Variants in SRGAP1 observed in about 807,000 individuals in gnomAD.
SRGAP1 encodes SLIT-ROBO Rho GTPase activating protein 1.
In SRGAP1, 43 loss-of-function variants were observed where a neutral mutation model predicts 121.9. That is an observed-to-expected ratio of 0.35 (90% CI 0.28 to 0.46). The LOEUF (loss-of-function observed/expected upper bound fraction) is 0.46, where lower values mean the gene tolerates loss of function less well. Among genes scored for constraint, SRGAP1 ranks in the 20% least tolerant of loss-of-function variants. The pLI is 1.00. For synonymous variants in SRGAP1, 447 were observed against 485.4 expected (o/e 0.92, Z 1.04); for missense variants, 1,102 against 1,350.9 (o/e 0.82, Z 2.89).
intron 3 of SRGAP1, among the ~76,000 whole-genome samples, chr12:63,994,124 C>T (rs887600885): frequency 2.0e-5 from 3 of 152,212 alleles, no homozygotes; most frequent in East Asian, 3.9e-4. Flanking sequence ...TCCAGATAGT[C>T]GTTTAGAGGA....
At chr12:64,040,605 AT>A (rs2034996536) in intron 4 of SRGAP1, among the ~76,000 whole-genome samples, 1 of 152,232 alleles carries the variant, frequency 6.6e-6, no homozygotes, top group Non-Finnish European at 1.5e-5. Flanking sequence ...ATATGAAAGC[AT>A]ACTGAAATTA....
chr12:63,914,133 T>C (rs1430508258), intron 1 of SRGAP1, among the ~76,000 whole-genome samples: 2 of 152,232 alleles, frequency 1.3e-5, no homozygotes, highest in Non-Finnish European at 2.9e-5. Flanking sequence ...CACTTGTCCC[T>C]TTTTAAAGAC....
At chr12:64,124,638 C>T (rs76808735) in intron 18 of SRGAP1, among the ~76,000 whole-genome samples, 174 of 152,254 alleles carry the variant, frequency 1.1e-3, no homozygotes, top group African/African-American at 3.9e-3. Context: ...AATTGAGGAG[C>T]TTCTTGCAGT....
chr12:64,072,911 A>T (rs760945630), intron 8 of SRGAP1, among the ~76,000 whole-genome samples: 15 of 152,110 alleles, frequency 9.9e-5, no homozygotes, highest in Non-Finnish European at 1.9e-4. Flanking sequence ...ATTTGTTTTG[A>T]CCCACAGCTC....
At chr12:63,956,167 A>G (rs905694437) in intron 1 of SRGAP1, among the ~76,000 whole-genome samples, 4 of 152,112 alleles carry the variant, frequency 2.6e-5, no homozygotes, top group Admixed American at 1.3e-4. Context: ...TCCATGCCTG[A>G]CTAATTTTGT....
At chr12:64,061,841 C>T (rs886853840) in intron 6 of SRGAP1, among the ~76,000 whole-genome samples, 1 of 152,188 alleles carries the variant, frequency 6.6e-6, no homozygotes, top group Non-Finnish European at 1.5e-5. Flanking sequence ...TTCAAAGTTT[C>T]ATCCATGTTA....
chr12:63,862,448 C>T (rs2136268153), intron 1 of SRGAP1, among the ~76,000 whole-genome samples: 1 of 152,276 alleles, frequency 6.6e-6, no homozygotes, highest in Middle Eastern at 3.4e-3. Flanking sequence ...ACTCCCTTCT[C>T]AGTTGGTCTG....
intron 6 of SRGAP1, among the ~76,000 whole-genome samples, chr12:64,053,317 T>C (rs1462362278): frequency 6.6e-6 from 1 of 152,180 alleles, no homozygotes; most frequent in Admixed American, 6.6e-5. Context: ...ACGGGTGTGG[T>C]TGTATTGCAG....
At chr12:64,030,336 C>G (rs750322277) in intron 4 of SRGAP1, among the ~76,000 whole-genome samples, 10 of 152,076 alleles carry the variant, frequency 6.6e-5, no homozygotes, top group Non-Finnish European at 1.3e-4. Context: ...AACCAATAAC[C>G]CCACCTATGA....
At chr12:63,974,893 A>G (rs900018996) in intron 1 of SRGAP1, among the ~76,000 whole-genome samples, 2 of 152,096 alleles carry the variant, frequency 1.3e-5, no homozygotes, top group Non-Finnish European at 2.9e-5. Context: ...CATTCCCTAC[A>G]TTTATGCAGC....
In SRGAP1 at chr12:64,062,934, C is replaced by T. The variant is rs558573607; in HGVS notation, c.819C>T (p.Tyr273=). The T allele has an allele frequency of 5.6e-6, 9 of 1,611,156 alleles. No homozygotes were observed. In the East Asian group the frequency reaches 2.0e-4, roughly 36 times the overall value. Residue 273 remains tyrosine, a synonymous_variant, in exon 7 of 22, where the codon TAC becomes TAT. Coordinates refer to ENST00000355086, the MANE Select transcript of SRGAP1 (RefSeq NM_020762.4). ...TTTTTAAGTGCTGTGATCTTGGCTACCATGCAAGTCTGAACAGAGCCCTAA... is the reference window on the plus strand; with the variant it reads ...TTTTTAAGTGCTGTGATCTTGGCTATCATGCAAGTCTGAACAGAGCCCTAA... ...SDLIDCCDLG[Y]HASLNRALRT... is the part of the protein sequence containing the mutation.
Position 63,907,127 on chromosome 12 carries a change from A to T in SRGAP1, c.67+62244A>T, listed in dbSNP as rs7964885. Among the ~76,000 whole-genome samples the T allele has an allele frequency of 8.7e-3, 1,327 of 152,214 alleles. 24 individuals are homozygous for T. Among genetic ancestry groups the T allele is most frequent in the African/African-American group, 0.03 (1,234 of 41,532 alleles). The stretch of plus-strand genomic sequence containing the variant: ...CCTAGTGAATGTGATATGATATCTC[A>T]TTGTGGTTTTGATTTGCACTTCCCT... On this transcript the variant is annotated intron_variant, in intron 1 of 21. Transcript: ENST00000355086.
At chr12:64,095,570 G>A (rs374472410) in intron 14 of SRGAP1, among the ~76,000 whole-genome samples, 4 of 152,068 alleles carry the variant, frequency 2.6e-5, no homozygotes, top group African/African-American at 7.2e-5. Context: ...CCCTTTGTCG[G>A]GAGCTCTTCC....
intron 1 of SRGAP1, among the ~76,000 whole-genome samples, chr12:63,866,013 G>C (rs1398363255): frequency 6.6e-6 from 1 of 152,072 alleles, no homozygotes; most frequent in Non-Finnish European, 1.5e-5. Context: ...GAAATAGTTT[G>C]TTGTTATTTT....
At chr12:64,020,138 A>G (rs368971005) in intron 4 of SRGAP1, among the ~76,000 whole-genome samples, 1 of 152,242 alleles carries the variant, frequency 6.6e-6, no homozygotes, top group East Asian at 1.9e-4. Context: ...TATTTCAAAC[A>G]TTTTATCAGA....
intron 15 of SRGAP1, 133 bp from the exon 16 acceptor site, chr12:64,108,799 G>A (rs1480393618): frequency 4.0e-6 from 2 of 500,952 alleles, no homozygotes; most frequent in Non-Finnish European, 6.7e-6. Context: ...CGCTGTTTTG[G>A]TTACAATTGG....
In SRGAP1 at chr12:64,108,968, G is replaced by A. The variant is rs201404379; in HGVS notation, c.1850G>A (p.Arg617His). The change falls in exon 16 of 22, where the codon CGC becomes CAC. Residue 617 changes from arginine to histidine, a missense_variant. This residue lies in a region of SRGAP1 where 747 missense variants were observed against 929.4 expected (regional missense o/e 0.80). Transcript: ENST00000355086. ...CTCTATGAGAGGGCGCTTCACATCC[G>A]CAAACTCCTCCTGACTTTGCCCAGG... ...DNLYERALHI[R>H]KLLLTLPRSV... 2.1e-4 allele frequency: 333 copies of A among 1,602,258 alleles called. No homozygotes were observed. The highest frequency in any genetic ancestry group is 2.6e-4 in the Non-Finnish European group (309 of 1,172,268).
intron 4 of SRGAP1, among the ~76,000 whole-genome samples, chr12:64,018,062 T>TA (rs1299148921): frequency 2.0e-5 from 3 of 152,032 alleles, no homozygotes; most frequent in Admixed American, 6.6e-5. Flanking sequence ...TAATGAAAGA[T>TA]ATTTGGATTT....
chr12:64,054,194 C>T (rs78021351), intron 6 of SRGAP1, among the ~76,000 whole-genome samples: 2,127 of 152,198 alleles, frequency 0.014, 57 homozygotes, highest in African/African-American at 0.048. Context: ...TGGTTGAAAG[C>T]GTGAAAGATA....
Sources: gnomAD v4.1 joint callset for allele counts (sites outside exome capture counted in the v4.1 genomes callset) on GRCh38, gnomAD v4.1.1 for gene constraint, gnomAD v4.1.1 regional missense constraint, MANE v1.5 for transcripts, NCBI Gene and HGNC (gene_info 2026-07-23, HGNC 2026-07-21) for gene names.